Variants in POU6F2 observed in about 807,000 individuals in gnomAD.
The protein encoded by POU6F2 is POU class 6 homeobox 2, also known as POU domain, class 6, transcription factor 2.
POU6F2 carries 31 observed loss-of-function variants against 71.3 expected under a neutral mutation model. That is an observed-to-expected ratio of 0.43 (90% confidence interval 0.33 to 0.59). POU6F2 has a LOEUF of 0.59. Ranked by LOEUF, POU6F2 falls within the 20% of genes least tolerant of loss-of-function variation. POU6F2 has a pLI of 0.04. For synonymous variants in POU6F2, 347 were observed against 355.7 expected (o/e 0.98, Z 0.27); for missense variants, 783 against 856.8 (o/e 0.91, Z 1.07).
chr7:39,032,161 G>T (rs1004847269), intron 1 of POU6F2, among the ~76,000 whole-genome samples: 15 of 152,036 alleles, frequency 9.9e-5, no homozygotes, highest in African/African-American at 3.4e-4. Context: ...TTACCAGTGG[G>T]CATTGGATGT....
chr7:39,340,385 T>C (rs745318682), intron 5 of POU6F2, among the ~76,000 whole-genome samples: 1 of 152,244 alleles, frequency 6.6e-6, no homozygotes, highest in Non-Finnish European at 1.5e-5. Flanking sequence ...TGTAGCCCCA[T>C]GGAGAACTGC....
At chr7:39,428,388 A>G (rs2116005717) in intron 6 of POU6F2, among the ~76,000 whole-genome samples, 1 of 152,350 alleles carries the variant, frequency 6.6e-6, no homozygotes, top group East Asian at 1.9e-4. Flanking sequence ...TATTACAATT[A>G]CTGGTATGGG....
At chr7:39,325,811 G>T (rs1158868720) in intron 4 of POU6F2, among the ~76,000 whole-genome samples, 1 of 152,150 alleles carries the variant, frequency 6.6e-6, no homozygotes. Context: ...CCATTTGAAG[G>T]AAAAGTCAAA....
chr7:39,102,227 A>G (rs967370137), intron 2 of POU6F2, among the ~76,000 whole-genome samples: 18 of 152,222 alleles, frequency 1.2e-4, no homozygotes, highest in African/African-American at 4.1e-4. Flanking sequence ...AAAAATTAAC[A>G]CCTATTAAGT....
intron 2 of POU6F2, among the ~76,000 whole-genome samples, chr7:39,126,964 A>G (rs1210848650): frequency 1.3e-5 from 2 of 152,232 alleles, no homozygotes; most frequent in Admixed American, 6.5e-5. Flanking sequence ...CAAGCCAAGT[A>G]TGTAATTTTA....
chr7:39,430,710 A>G (rs1307087530), intron 6 of POU6F2, among the ~76,000 whole-genome samples: 1 of 152,076 alleles, frequency 6.6e-6, no homozygotes, highest in Non-Finnish European at 1.5e-5. Context: ...ACCCTGAACC[A>G]TTCTCTCAGG....
At chr7:38,996,788 T>C (rs1251206383) in intron 1 of POU6F2, among the ~76,000 whole-genome samples, 1 of 152,224 alleles carries the variant, frequency 6.6e-6, no homozygotes, top group Non-Finnish European at 1.5e-5. Flanking sequence ...TCTATGTTTA[T>C]ACCTCTTGAC....
chr7:39,278,177 CAGTGCAAGG>C, intron 4 of POU6F2, among the ~76,000 whole-genome samples: 1 of 152,006 alleles, frequency 6.6e-6, no homozygotes, highest in Non-Finnish European at 1.5e-5. Context: ...CTAGACCCCA[CAGTGCAAGG>C]AGAACTCTGA....
At chr7:39,095,482 C>T (rs966880164) in intron 2 of POU6F2, among the ~76,000 whole-genome samples, 33 of 152,230 alleles carry the variant, frequency 2.2e-4, no homozygotes, top group African/African-American at 7.2e-4. Flanking sequence ...CTGATGGCAT[C>T]GAGGTGGTTG....
At chr7:39,407,687 G>A (rs1381872897) in intron 6 of POU6F2, among the ~76,000 whole-genome samples, 2 of 151,964 alleles carry the variant, frequency 1.3e-5, no homozygotes, top group Non-Finnish European at 2.9e-5. Context: ...TCCCTGCTTG[G>A]CCTGTTCTGT....
chr7:39,025,811 CA>C (rs1390342451), intron 1 of POU6F2, among the ~76,000 whole-genome samples: 2 of 150,704 alleles, frequency 1.3e-5, no homozygotes, highest in Admixed American at 1.3e-4. Context: ...AGTGAACAGG[CA>C]ACCTACAAAA....
At chr7:39,440,944 C>T (rs1291898420) in intron 7 of POU6F2, among the ~76,000 whole-genome samples, 7 of 151,884 alleles carry the variant, frequency 4.6e-5, no homozygotes, top group Admixed American at 3.9e-4. Context: ...TGGTCAAGTC[C>T]CTCTTCTGTA....
chr7:39,195,068 A>G (rs960291237), intron 2 of POU6F2, among the ~76,000 whole-genome samples: 4 of 152,230 alleles, frequency 2.6e-5, no homozygotes, highest in Non-Finnish European at 5.9e-5. Flanking sequence ...GAAGGAACCA[A>G]TTCTGGACAC....
At chr7:39,255,743 T>C (rs558517918) in intron 4 of POU6F2, among the ~76,000 whole-genome samples, 24 of 152,354 alleles carry the variant, frequency 1.6e-4, no homozygotes, top group African/African-American at 5.5e-4. Flanking sequence ...TTTAGGGCAG[T>C]GTGTCTGAAG....
intron 7 of POU6F2, among the ~76,000 whole-genome samples, chr7:39,439,638 C>A (rs1788343459): frequency 2.6e-5 from 4 of 152,074 alleles, no homozygotes; most frequent in Admixed American, 2.6e-4. Flanking sequence ...TACAGGCATG[C>A]ACCACCACAC....
intron 5 of POU6F2, among the ~76,000 whole-genome samples, chr7:39,374,865 A>G (rs928617107): frequency 6.6e-6 from 1 of 152,152 alleles, no homozygotes; most frequent in African/African-American, 2.4e-5. Context: ...ATATTTTCTC[A>G]TGTCACAGTT....
intron 7 of POU6F2, among the ~76,000 whole-genome samples, chr7:39,440,485 C>T (rs1406633212): frequency 2.6e-5 from 4 of 152,256 alleles, no homozygotes; most frequent in Non-Finnish European, 4.4e-5. Context: ...TGGCTATTGA[C>T]ACTTGTGTAT....
At chr7:39,299,822 A>G (rs1402660027) in intron 4 of POU6F2, among the ~76,000 whole-genome samples, 1 of 152,170 alleles carries the variant, frequency 6.6e-6, no homozygotes, top group Non-Finnish European at 1.5e-5. Flanking sequence ...ATTCTCAGCC[A>G]GGGAAAAAGT....
intron 6 of POU6F2, among the ~76,000 whole-genome samples, chr7:39,419,084 C>T (rs531409893): frequency 2.6e-5 from 3 of 114,466 alleles, no homozygotes; most frequent in Non-Finnish European, 3.5e-5. Context: ...CACATATATA[C>T]GTATATGTGT....
Sources: gnomAD v4.1 joint callset for allele counts (sites outside exome capture counted in the v4.1 genomes callset) on GRCh38, gnomAD v4.1.1 for gene constraint, MANE v1.5 for transcripts, NCBI Gene and HGNC (gene_info 2026-07-23, HGNC 2026-07-21) for gene names.